PEAK1: variants seen among roughly 807,000 people sequenced by gnomAD.
PEAK1 encodes inactive tyrosine-protein kinase PEAK1.
A neutral mutation model predicts 124.7 loss-of-function variants in PEAK1; 54 were observed. The observed-to-expected ratio is 0.43, with a 90% CI of 0.35 to 0.54. The LOEUF is 0.54. PEAK1 is among the 20% of genes least tolerant of loss of function. PEAK1 has a pLI of 0.01. For synonymous variants in PEAK1, 719 were observed against 760.0 expected, an observed-to-expected ratio of 0.95 and a Z score of 0.89; for missense variants, 2,046 against 2,134.5, an observed-to-expected ratio of 0.96 and a Z score of 0.82.
chr15:77,101,574 C>T (rs1176214331), exon 7 of PEAK1: 2 of 152,142 alleles, frequency 1.3e-5, no homozygotes, highest in African/African-American at 4.8e-5. Context: ...GAATCCCCAT[C>T]AAAACCAAGG....
rs202102578 is a variant in PEAK1 at position 77,338,237 on chromosome 15, AC to A, written c.-603+26925del. ...ATTTAGGCCACAGAAGATTCTGCAA[AC>A]ATCTGCTTTTGCTGGATGAAACTTG... On this transcript the variant is annotated intron_variant, in intron 2 of 9. Transcript: ENST00000682557. 1.3e-4 allele frequency among the ~76,000 whole-genome samples: 20 copies of A among 152,324 alleles called. No homozygotes were observed. In the East Asian group the frequency reaches 2.7e-3, roughly 21 times the overall value.
intron 7 of PEAK1, among the ~76,000 whole-genome samples, chr15:77,162,917 AT>A (rs1429793078): frequency 3.9e-5 from 6 of 152,066 alleles, no homozygotes; most frequent in Non-Finnish European, 7.4e-5. Flanking sequence ...AGTGTATCTA[AT>A]TTTTTTTCAG....
At chr15:77,165,532 T>C (rs1488838850) in intron 7 of PEAK1, among the ~76,000 whole-genome samples, 3 of 152,112 alleles carry the variant, frequency 2.0e-5, no homozygotes, top group Non-Finnish European at 4.4e-5. Context: ...GGACTTTTTT[T>C]CCCTAATGCC....
intron 1 of PEAK1, chr15:77,404,081 C>T (rs1382552239): frequency 2.0e-6 from 2 of 984,794 alleles, no homozygotes; most frequent in East Asian, 1.1e-4. Flanking sequence ...CTGAGAGTTA[C>T]TGCAAATAAT....
At chr15:77,182,489 T>C (rs1029001929) in intron 6 of PEAK1, among the ~76,000 whole-genome samples, 2 of 151,980 alleles carry the variant, frequency 1.3e-5, no homozygotes, top group African/African-American at 2.4e-5. Flanking sequence ...GGCTCATGCC[T>C]GTAATCTCAG....
intron 5 of PEAK1, among the ~76,000 whole-genome samples, chr15:77,280,062 C>T (rs536638212): frequency 2.0e-5 from 3 of 152,156 alleles, no homozygotes; most frequent in East Asian, 1.9e-4. Flanking sequence ...AGTTTTGGGC[C>T]GGGCATAGTG....
In PEAK1 at chr15:77,247,770, G is replaced by A. The variant is rs8032809; in HGVS notation, c.-115+4597C>T. Among the ~76,000 whole-genome samples the A allele has an allele frequency of 8.0e-3, 1,218 of 152,142 alleles. 17 individuals carry two copies. Among genetic ancestry groups the A allele is most frequent in the African/African-American group, 0.028 (1,162 of 41,512 alleles). On this transcript the variant is annotated intron_variant, in intron 6 of 9. Transcript: ENST00000682557. ...CATTCATTTAATTTATTGATATGGT[G>A]AATTGCATTGATTCATTCTGAAGAT...
intron 2 of PEAK1, among the ~76,000 whole-genome samples, chr15:77,327,810 T>G (rs1318050745): frequency 6.6e-6 from 1 of 151,866 alleles, no homozygotes; most frequent in Non-Finnish European, 1.5e-5. Context: ...TATTGCAATA[T>G]CCAAAGATAA....
intron 1 of PEAK1, among the ~76,000 whole-genome samples, chr15:77,388,637 A>G (rs915472929): frequency 1.6e-4 from 24 of 152,324 alleles, no homozygotes; most frequent in Non-Finnish European, 2.9e-4. Context: ...ACATATAGCT[A>G]TCACTTAGAA....
At chr15:77,419,397 A>G in intron 1 of PEAK1, 2 of 985,366 alleles carry the variant, frequency 2.0e-6, no homozygotes, top group Non-Finnish European at 2.4e-6. Context: ...CAGAAAAGAA[A>G]AAAACTGAGC....
At chr15:77,138,878 T>A (rs1209065205) in intron 8 of PEAK1, among the ~76,000 whole-genome samples, 1 of 134,948 alleles carries the variant, frequency 7.4e-6, no homozygotes, top group Non-Finnish European at 1.7e-5. Flanking sequence ...AAAAAAAAAA[T>A]TGTTTTTTCT....
At position 77,348,711 on chromosome 15, in the gene PEAK1, C is replaced by T. The variant is rs190405698; in HGVS notation, c.-603+16452G>A. 3 of 985,010 alleles carry T rather than the reference C, an allele frequency of 3.0e-6. No individual in the cohort carries two copies. The Admixed American group carries it at 1.8e-4, about 61-fold the overall frequency. The allele number at this position is 985,010 out of a possible 1,614,324, so 61.0% of individuals were successfully genotyped here. On this transcript the variant is annotated intron_variant, in intron 2 of 9. Coordinates refer to ENST00000682557, the MANE Select transcript of PEAK1 (RefSeq NM_001385026.1). ...TAGTTAATCTGACTCACGGGAAAAC[C>T]CAAGGCACCAAAGTCAGCCAGCTTC... is the stretch of plus-strand genomic sequence containing the variant.
At chr15:77,275,480 G>C (rs1242585582) in intron 5 of PEAK1, among the ~76,000 whole-genome samples, 1 of 152,124 alleles carries the variant, frequency 6.6e-6, no homozygotes, top group African/African-American at 2.4e-5. Context: ...CACTTTGGGA[G>C]GCCGAGGCGG....
intron 5 of PEAK1, among the ~76,000 whole-genome samples, chr15:77,268,552 T>A (rs749988670): frequency 1.3e-5 from 2 of 151,954 alleles, no homozygotes; most frequent in Admixed American, 1.3e-4. Flanking sequence ...TTGGTGTTTC[T>A]GGGGAAGAAG....
chr15:77,172,586 A>G (rs2056582941), intron 7 of PEAK1, among the ~76,000 whole-genome samples: 1 of 152,182 alleles, frequency 6.6e-6, no homozygotes, highest in Non-Finnish European at 1.5e-5. Flanking sequence ...GTGGTTCATG[A>G]AAGAGGGGGC....
At chr15:77,341,717 T>A (rs891784540) in intron 2 of PEAK1, among the ~76,000 whole-genome samples, 11 of 152,158 alleles carry the variant, frequency 7.2e-5, no homozygotes, top group African/African-American at 2.4e-4. Flanking sequence ...GGGTCCACCA[T>A]AAGTTACCAA....
At chr15:77,213,690 AAAAAAC>A (rs1315730554) in intron 6 of PEAK1, among the ~76,000 whole-genome samples, 4 of 152,276 alleles carry the variant, frequency 2.6e-5, no homozygotes, top group East Asian at 1.9e-4. Context: ...CTCTGTCTCA[AAAAAAC>A]AAAAACAAAA....
At chr15:77,162,673 A>G (rs555681716) in intron 7 of PEAK1, among the ~76,000 whole-genome samples, 30 of 152,268 alleles carry the variant, frequency 2.0e-4, no homozygotes, top group Admixed American at 1.3e-3. Flanking sequence ...AAACAATAAA[A>G]TGGGAATTCG....
intron 1 of PEAK1, among the ~76,000 whole-genome samples, chr15:77,393,799 G>T (rs559003048): frequency 2.0e-5 from 3 of 152,206 alleles, no homozygotes; most frequent in Admixed American, 6.5e-5. Context: ...AGCCACAGTG[G>T]AATACAGCAC....
Sources: allele counts gnomAD v4.1 joint callset (sites outside exome capture counted in the v4.1 genomes callset), GRCh38; gene constraint gnomAD v4.1.1; transcripts MANE v1.5; gene names NCBI Gene and HGNC (gene_info 2026-07-23, HGNC 2026-07-21).